The following IFI30 variants were observed in gnomAD, a reference collection of about 807,000 sequenced individuals.
The protein encoded by IFI30 is gamma-interferon-inducible lysosomal thiol reductase.
Under a neutral mutation model 30.1 loss-of-function variants are expected in IFI30, and 26 were observed. That is an observed-to-expected ratio of 0.87 (90% CI 0.63 to 1.20). The LOEUF (loss-of-function observed/expected upper bound fraction) is 1.20. IFI30 is among the 50% of genes most tolerant of loss of function. IFI30 has a pLI of 0.00. For missense variants in IFI30, 296 were observed against 312.5 expected, an observed-to-expected ratio of 0.95 and a Z score of 0.40; for synonymous variants, 149 against 134.5, an observed-to-expected ratio of 1.11 and a Z score of -0.75.
intron 4 of IFI30, 50 bp downstream of exon 4, chr19:18,175,747 C>T: frequency 2.1e-6 from 3 of 1,438,446 alleles, no homozygotes; most frequent in Non-Finnish European, 2.9e-6. Context: ...GGGTGGTAAC[C>T]TTCCCTGCAT....
At chr19:18,174,747 C>G (rs2147965851) in intron 1 of IFI30, 1 of 332,316 alleles carries the variant, frequency 3.0e-6, no homozygotes, top group South Asian at 4.1e-5. Context: ...TGGCATGTGC[C>G]TATAATCCCA....
intron 4 of IFI30, among the ~76,000 whole-genome samples, chr19:18,176,572 G>A (rs1036243450): frequency 3.3e-5 from 5 of 152,176 alleles, no homozygotes; most frequent in Admixed American, 3.3e-4. Context: ...GGAAGGATGA[G>A]CAGGAATGTG....
At chr19:18,177,803 G>T (rs773179563) in intron 6 of IFI30, 39 bp downstream of exon 6, 2 of 1,611,100 alleles carry the variant, frequency 1.2e-6, no homozygotes, top group African/African-American at 2.7e-5. Context: ...AGGTGGTGGG[G>T]GTAGGGTCTC....
chr19:18,177,091 AG>A, intron 4 of IFI30, 48 bp from the exon 5 acceptor site: 2 of 1,493,156 alleles, frequency 1.3e-6, no homozygotes, highest in Non-Finnish European at 1.8e-6. Flanking sequence ...GGGACCGTTG[AG>A]ATAACGGGGA....
intron 6 of IFI30, 37 bp from the exon 7 acceptor site, chr19:18,177,812 T>TC (rs1188301097): frequency 2.5e-6 from 4 of 1,609,420 alleles, no homozygotes; most frequent in Non-Finnish European, 3.4e-6. Flanking sequence ...GGGTAGGGTC[T>TC]CCTTCCAGGA....
In IFI30 at chr19:18,177,189, G is replaced by A; in HGVS notation, c.533G>A (p.Cys178Tyr). The A allele has an allele frequency of 6.3e-7, 1 of 1,586,420 alleles. No homozygotes were observed. The highest frequency in any genetic ancestry group is 8.6e-7 in the Non-Finnish European group (1 of 1,166,872). ...PGLSPDTIMECAMGDRGMQLM... is the reference protein window; with the variant it reads ...PGLSPDTIMEYAMGDRGMQLM... The stretch of plus-strand genomic sequence containing the variant: ...CTGTCGCCAGACACTATCATGGAGT[G>A]TGCAATGGGGGACCGCGGCATGCAG... Residue 178 changes from cysteine (C) to tyrosine (Y), a missense_variant, in exon 5 of 7, where the codon TGT becomes TAT. Coordinates refer to ENST00000407280, the MANE Select transcript of IFI30 (RefSeq NM_006332.5).
intron 1 of IFI30, chr19:18,174,213 G>T: frequency 2.1e-6 from 1 of 478,712 alleles, no homozygotes; most frequent in South Asian, 2.7e-5. Flanking sequence ...GCCTAGTCCC[G>T]CCCAAGGGTT....
At position 18,175,078 on chromosome 19, in the gene IFI30, C is replaced by T. The variant is rs1967250018; in HGVS notation, c.171C>T (p.Ser57=). 1.2e-6 allele frequency: 2 copies of T among 1,613,832 alleles called. No individual in the cohort carries two copies. The highest frequency in any genetic ancestry group is 1.7e-6 in the Non-Finnish European group (2 of 1,179,828). Residue 57 remains serine (S), a synonymous_variant, in exon 2 of 7, where the codon TCC becomes TCT. Coordinates refer to ENST00000407280, the MANE Select transcript of IFI30 (RefSeq NM_006332.5). ...NLYLRGPLKK[S]NAPLVNVTLY... is the part of the protein sequence containing the mutation. ...ACCTGCGGGGGCCCCTGAAGAAGTC[C>T]AATGCACCGCTTGTCAATGTGACCC...
At chr19:18,177,814 C>T in intron 6 of IFI30, 35 bp from the exon 7 acceptor site, 2 of 1,608,882 alleles carry the variant, frequency 1.2e-6, no homozygotes, top group Non-Finnish European at 8.5e-7. Flanking sequence ...GTAGGGTCTC[C>T]TTCCAGGACC....
At position 18,177,203 on chromosome 19, in the gene IFI30, C is replaced by G. The variant is rs371536031; in HGVS notation, c.547C>G (p.Arg183Gly). The change falls in exon 5 of 7, where the codon CGC (arginine) becomes GGC (glycine). Residue 183 changes from arginine (R) to glycine (G), a missense_variant. Coordinates refer to ENST00000407280, the MANE Select transcript of IFI30 (RefSeq NM_006332.5). Reference protein sequence around the residue: ...DTIMECAMGDRGMQLMHANAQ... With the variant: ...DTIMECAMGDGGMQLMHANAQ... ...TATCATGGAGTGTGCAATGGGGGAC[C>G]GCGGCATGCAGCTCATGCACGCCAA... 6.3e-7 allele frequency: 1 copy of G among 1,587,330 alleles called. No individual in the cohort carries two copies. The highest frequency in any genetic ancestry group is 1.8e-5 in the Admixed American group (1 of 55,584).
At chr19:18,174,988 G>T in intron 1 of IFI30, 52 bp from the exon 2 acceptor site, 2 of 1,467,816 alleles carry the variant, frequency 1.4e-6, no homozygotes, top group Non-Finnish European at 1.9e-6. Context: ...GTTGAGAGAA[G>T]TGGGGAACTG....
chr19:18,174,908 G>C, intron 1 of IFI30, 132 bp from the exon 2 acceptor site: 1 of 660,948 alleles, frequency 1.5e-6, no homozygotes, highest in South Asian at 2.2e-5. Context: ...GATTCCACCT[G>C]GCAAGTTCTG....
At chr19:18,176,732 C>T (rs1158072176) in intron 4 of IFI30, among the ~76,000 whole-genome samples, 1 of 152,140 alleles carries the variant, frequency 6.6e-6, no homozygotes, top group Admixed American at 6.6e-5. Flanking sequence ...AGAGGCCTCA[C>T]CTAGTGACAC....
Position 18,175,592 on chromosome 19 carries a change from C to G in IFI30, c.391-13C>G, listed in dbSNP as rs1428071821. ...CTCTTCATGCCCTCTCCTGCCCCCTCTCCAAACCCCAGGCCTGCGTGTTGG... is the reference window on the plus strand; with the variant it reads ...CTCTTCATGCCCTCTCCTGCCCCCTGTCCAAACCCCAGGCCTGCGTGTTGG... On this transcript the variant is annotated splice_polypyrimidine_tract_variant and intron_variant, in intron 3 of 6. Coordinates refer to ENST00000407280, the MANE Select transcript of IFI30 (RefSeq NM_006332.5). 1 of 1,601,208 alleles carries G rather than the reference C, an allele frequency of 6.2e-7. No individual in the cohort carries two copies. Among genetic ancestry groups the G allele is most frequent in the Non-Finnish European group, 8.5e-7 (1 of 1,173,976 alleles).
At position 18,175,343 on chromosome 19, in the gene IFI30, G is replaced by A; in HGVS notation, c.348G>A (p.Lys116=). The A allele has an allele frequency of 6.3e-7, 1 of 1,592,300 alleles. No homozygotes were observed. The highest frequency in any genetic ancestry group is 8.5e-7 in the Non-Finnish European group (1 of 1,170,212). The change falls in exon 3 of 7, where the codon AAG becomes AAA. Residue 116 remains lysine, a synonymous_variant. Transcript: ENST00000407280. ...EQNVSGRWEF[K]CQHGEEECKF... is the part of the protein sequence containing the mutation. ...ATGTCAGTGGCAGGTGGGAGTTCAA[G>A]TGCCAGCATGGAGAAGAGGAGTGCA...
chr19:18,176,841 G>C (rs1015889778), intron 4 of IFI30, among the ~76,000 whole-genome samples: 1 of 152,270 alleles, frequency 6.6e-6, no homozygotes, highest in Admixed American at 6.5e-5. Flanking sequence ...CTGGCAGAGG[G>C]ATCAGCCTGT....
intron 2 of IFI30, 35 bp from the exon 3 acceptor site, chr19:18,175,276 G>A: frequency 6.3e-7 from 1 of 1,575,386 alleles, no homozygotes; most frequent in East Asian, 2.4e-5. Flanking sequence ...AGGGGACCCA[G>A]CCTACCAGCA....
rs1967291820 is a variant in IFI30 at position 18,177,847 on chromosome 19, A to C, written c.691-2A>C. 4 of 1,602,828 alleles carry C rather than the reference A, an allele frequency of 2.5e-6. No homozygotes were observed. The highest frequency in any genetic ancestry group is 1.1e-5 in the South Asian group (1 of 88,998). ...ACCCCAACTCATGGCCTTCACCTCC[A>C]GGGCAAGAAGCCGGATGTCTGCCCT... On this transcript the variant is annotated splice_acceptor_variant, in intron 6 of 6. Transcript: ENST00000407280. LOFTEE classifies it high-confidence loss of function.
Position 18,177,906 on chromosome 19 carries a change from A to G in IFI30, c.748A>G (p.Lys250Glu). The change falls in exon 7 of 7, where the codon AAG (lysine) becomes GAG (glutamate). Residue 250 changes from lysine to glutamate, a missense_variant. Transcript: ENST00000407280. ...STSSLRSVCFK is the reference protein window; with the variant it reads ...STSSLRSVCFE ...CAGCTCCCTCAGGAGTGTTTGCTTC[A>G]AGTGATGGCCGGTGAGCTGCGGAGA... The G allele has an allele frequency of 6.3e-7, 1 of 1,589,024 alleles. No homozygotes were observed. Among genetic ancestry groups the G allele is most frequent in the Admixed American group, 1.8e-5 (1 of 56,148 alleles).
Sources: gnomAD v4.1 joint callset for allele counts (sites outside exome capture counted in the v4.1 genomes callset) on GRCh38, gnomAD v4.1.1 for gene constraint, MANE v1.5 for transcripts, NCBI Gene and HGNC (gene_info 2026-07-23, HGNC 2026-07-21) for gene names.